The following EP300 variants were observed in gnomAD, a reference collection of about 807,000 sequenced individuals.
EP300 encodes the protein EP300 lysine acetyltransferase.
Under a neutral mutation model 264.0 loss-of-function variants are expected in EP300, and 31 were observed. The ratio of observed to expected loss-of-function variants is 0.12; its 90% CI spans 0.09 to 0.16. The LOEUF is 0.16. EP300 is among the 10% of genes least tolerant of loss of function. The pLI, the probability that EP300 is intolerant of heterozygous loss-of-function variation, is 1.00. For missense variants in EP300, 2,766 were observed against 3,052.9 expected, an observed-to-expected ratio of 0.91 and a Z score of 2.21; for synonymous variants, 1,340 against 1,045.4, an observed-to-expected ratio of 1.28 and a Z score of -5.44.
At chr22:41,174,586 T>C (rs936271668) in intron 29 of EP300, 7 of 152,126 alleles carry the variant, frequency 4.6e-5, no homozygotes. Flanking sequence ...GTAAGGTTTT[T>C]TTTTTCTCTC....
In EP300 at chr22:41,169,544, G is replaced by A. The variant is rs138855106; in HGVS notation, c.4214G>A (p.Arg1405His). 53 of 1,609,330 alleles carry A rather than the reference G, an allele frequency of 3.3e-5. No individual in the cohort carries two copies. In the Admixed American group the frequency reaches 3.3e-4, roughly 10 times the overall value. ...ISYLDSVHFFRPKCLRTAVYH... is the reference protein window; with the variant it reads ...ISYLDSVHFFHPKCLRTAVYH... ...TACCTCGATAGTGTTCATTTCTTCC[G>A]TCCTAAATGCTTGAGGACTGCAGTC... is the stretch of plus-strand genomic sequence containing the variant. Residue 1405 changes from arginine (R) to histidine (H), a missense_variant, in exon 26 of 31, where the codon CGT becomes CAT. Coordinates refer to ENST00000263253, the MANE Select transcript of EP300 (RefSeq NM_001429.4).
chr22:41,138,304 C>G (rs1296697791), intron 8 of EP300, among the ~76,000 whole-genome samples: 1 of 152,174 alleles, frequency 6.6e-6, no homozygotes, highest in Admixed American at 6.5e-5. Flanking sequence ...GCTGGGACTA[C>G]AGGCACGTGC....
At chr22:41,113,054 T>C (rs2058801888) in intron 1 of EP300, among the ~76,000 whole-genome samples, 1 of 152,128 alleles carries the variant, frequency 6.6e-6, no homozygotes, top group South Asian at 2.1e-4. Context: ...TCAATAAAGT[T>C]AATGATTTCT....
In EP300 at chr22:41,150,171, G is replaced by A. The variant is rs1421520548; in HGVS notation, c.2790G>A (p.Pro930=). ...CGTCTGTTCCTACCCCAACAGCACC[G>A]CTGCTTCCTCCGCAGCCTGCAACTC... is the stretch of plus-strand genomic sequence containing the variant. The part of the protein sequence containing the change: ...TAASVPTPTA[P]LLPPQPATPL... The change falls in exon 14 of 31, where the codon CCG becomes CCA. Residue 930 remains proline (P), a synonymous_variant. Coordinates refer to ENST00000263253, the MANE Select transcript of EP300 (RefSeq NM_001429.4). 1.6e-5 allele frequency: 26 copies of A among 1,609,870 alleles called. No homozygotes were observed. Among genetic ancestry groups the A allele is most frequent in the Middle Eastern group, 1.7e-4 (1 of 6,060 alleles).
At chr22:41,173,533 T>C (rs374955435) in intron 28 of EP300, 90 bp from the exon 29 acceptor site, 33 of 1,295,638 alleles carry the variant, frequency 2.5e-5, no homozygotes, top group South Asian at 8.9e-5. Flanking sequence ...GATTATGATA[T>C]CTAGTTTCAA....
intron 2 of EP300, among the ~76,000 whole-genome samples, chr22:41,120,621 G>T (rs2058847064): frequency 6.6e-6 from 1 of 152,140 alleles, no homozygotes; most frequent in African/African-American, 2.4e-5. Context: ...TCTTCCAAAA[G>T]TCTGACCTAT....
At chr22:41,119,981 T>A (rs1425195935) in intron 2 of EP300, among the ~76,000 whole-genome samples, 61 of 152,052 alleles carry the variant, frequency 4.0e-4, no homozygotes, top group Admixed American at 4.0e-3. Flanking sequence ...GCCTGGCTAA[T>A]TTTTGTATTT....
rs191203823 is a variant in EP300 at position 41,166,721 on chromosome 22, A to G, written c.3874+55A>G. Reference sequence around the variant, plus strand: ...GCAAAACTTATCTGAAGCCTAGATAAGAAACCATCCAAAGTGAATTACTTT... The same window carrying G: ...GCAAAACTTATCTGAAGCCTAGATAGGAAACCATCCAAAGTGAATTACTTT... On this transcript the variant is annotated intron_variant, in intron 23 of 30. Transcript: ENST00000263253. The G allele has an allele frequency of 4.7e-4, 571 of 1,226,914 alleles. 3 individuals are homozygous for G. Among genetic ancestry groups the G allele is most frequent in the Non-Finnish European group, 4.8e-5 (40 of 836,496 alleles). The allele number at this position is 1,226,914 out of a possible 1,614,324, so 76.0% of individuals were successfully genotyped here. A position where few individuals can be genotyped will look rare whatever the true frequency, so the allele number is the denominator to read the frequency against.
intron 4 of EP300, among the ~76,000 whole-genome samples, 188 bp downstream of exon 4, chr22:41,127,936 C>T (rs1223467625): frequency 6.6e-6 from 1 of 152,124 alleles, no homozygotes; most frequent in Non-Finnish European, 1.5e-5. Flanking sequence ...ACTTACAATC[C>T]CAGCACTTTG....
At chr22:41,103,257 G>A (rs775038868) in intron 1 of EP300, among the ~76,000 whole-genome samples, 7 of 152,178 alleles carry the variant, frequency 4.6e-5, no homozygotes, top group African/African-American at 1.4e-4. Flanking sequence ...TTTGAAGTTG[G>A]TGGTTCTTCT....
chr22:41,151,815 C>G lies in EP300; in HGVS notation c.2818-18C>G, dbSNP rs1236830903. 6.2e-7 allele frequency: 1 copy of G among 1,613,676 alleles called. No individual in the cohort carries two copies. The highest frequency in any genetic ancestry group is 1.3e-5 in the African/African-American group (1 of 74,922). ...ACTCTGCGTGTGTCTCACCTACTTCCCTTTTTTTTCTGCCCAGCTTTCCCA... is the reference window on the plus strand; with the variant it reads ...ACTCTGCGTGTGTCTCACCTACTTCGCTTTTTTTTCTGCCCAGCTTTCCCA... On this transcript the variant is annotated intron_variant, in intron 14 of 30. Coordinates refer to ENST00000263253, the MANE Select transcript of EP300 (RefSeq NM_001429.4).
rs1316719013 is a variant in EP300, at chr22:41,141,198, C to G, written c.2029C>G (p.Gln677Glu). 6.8e-6 allele frequency: 11 copies of G among 1,614,172 alleles called. No homozygotes were observed. The highest frequency in any genetic ancestry group is 8.5e-6 in the Non-Finnish European group (10 of 1,180,032). ...VSMNPGPNMG[Q>E]PQPGMTSNGP... is the part of the protein sequence containing the mutation. The stretch of plus-strand genomic sequence containing the variant: ...CATGAATCCAGGGCCTAACATGGGA[C>G]AGCCGCAACCAGGAATGACTTCTAG... Residue 677 changes from glutamine to glutamate, a missense_variant, in exon 10 of 31, where the codon CAG becomes GAG. Physicochemically the swap from Gln to Glu is conservative, Grantham distance 29. Coordinates refer to ENST00000263253, the MANE Select transcript of EP300 (RefSeq NM_001429.4).
rs1191455708 is a variant in EP300 at position 41,173,623 on chromosome 22, G to A, written c.4618G>A (p.Val1540Met). ...TTGTCTCCTTTGTGCTACTCTGCAG[G>A]TGACCAAGGGAGACAGCAAAAATGC... Reference protein sequence around the residue: ...EENTSNESTDVTKGDSKNAKK... With the variant: ...EENTSNESTDMTKGDSKNAKK... Residue 1540 changes from valine (V) to methionine (M), a missense_variant and splice_region_variant, in exon 29 of 31, where the codon GTG becomes ATG. Coordinates refer to ENST00000263253, the MANE Select transcript of EP300 (RefSeq NM_001429.4). The A allele has an allele frequency of 1.2e-6, 2 of 1,613,948 alleles. No homozygotes were observed. Among genetic ancestry groups the A allele is most frequent in the African/African-American group, 2.7e-5 (2 of 74,896 alleles).
At chr22:41,125,804 G>A (rs2145707217) in intron 2 of EP300, 60 bp from the exon 3 acceptor site, 2 of 1,539,928 alleles carry the variant, frequency 1.3e-6, no homozygotes, top group Non-Finnish European at 1.8e-6. Context: ...AATCAGAAAA[G>A]GAATAATAAT....
chr22:41,099,939 CATT>C (rs763554767), intron 1 of EP300, among the ~76,000 whole-genome samples: 43 of 152,248 alleles, frequency 2.8e-4, no homozygotes, highest in African/African-American at 7.9e-4. Context: ...CAGTTTAAAA[CATT>C]GTTGTGGCTC....
chr22:41,171,190 A>T (rs2059168806), intron 27 of EP300, among the ~76,000 whole-genome samples: 1 of 151,050 alleles, frequency 6.6e-6, no homozygotes, highest in African/African-American at 2.4e-5. Context: ...GGGTATCGCC[A>T]TGCTGCCCAG....
At chr22:41,120,377 C>G (rs1007695344) in intron 2 of EP300, among the ~76,000 whole-genome samples, 5 of 152,284 alleles carry the variant, frequency 3.3e-5, no homozygotes, top group Middle Eastern at 3.4e-3. Flanking sequence ...TGCCCTTCCA[C>G]TGTACCAAGT....
At chr22:41,110,346 A>G (rs1040823856) in intron 1 of EP300, among the ~76,000 whole-genome samples, 10 of 108,740 alleles carry the variant, frequency 9.2e-5, no homozygotes, top group Admixed American at 3.0e-4. Flanking sequence ...TCTGTTGCCC[A>G]AGCTGGAGTG....
In EP300 at chr22:41,178,944, A is replaced by G. The variant is rs923045116; in HGVS notation, c.7233A>G (p.Leu2411=). Residue 2411 remains leucine (L), a synonymous_variant, in exon 31 of 31, where the codon CTA becomes CTG. Coordinates refer to ENST00000263253, the MANE Select transcript of EP300 (RefSeq NM_001429.4). ...DLNSNLSQST[L]DIH ...ATTCAAACCTCTCACAGAGTACACT[A>G]GACATACACTAGAGACACCTTGTAG... 3.7e-6 allele frequency: 6 copies of G among 1,613,396 alleles called. No individual in the cohort carries two copies. Among genetic ancestry groups the G allele is most frequent in the African/African-American group, 2.7e-5 (2 of 74,872 alleles).
Sources: gnomAD v4.1 joint callset for allele counts (sites outside exome capture counted in the v4.1 genomes callset) on GRCh38, gnomAD v4.1.1 for gene constraint, MANE v1.5 for transcripts, NCBI Gene and HGNC (gene_info 2026-07-23, HGNC 2026-07-21) for gene names.